The following PLA2G4C variants were observed in gnomAD, a reference collection of about 807,000 sequenced individuals.
PLA2G4C encodes the protein phospholipase A2 group IVC.
Under a neutral mutation model 73.8 loss-of-function variants are expected in PLA2G4C, and 64 were observed. That is an observed-to-expected ratio of 0.87 (90% CI 0.71 to 1.07). The LOEUF is 1.07. PLA2G4C is among the 50% of genes least tolerant of loss of function. PLA2G4C has a pLI of 0.00. For missense variants in PLA2G4C, 622 were observed against 665.4 expected (o/e 0.93, Z 0.72); for synonymous variants, 254 against 252.1 (o/e 1.01, Z -0.07).
At chr19:48,086,908 CTG>C (rs1202318161) in intron 9 of PLA2G4C, among the ~76,000 whole-genome samples, 4 of 152,200 alleles carry the variant, frequency 2.6e-5, no homozygotes, top group Non-Finnish European at 4.4e-5. Context: ...CTCACAGAGC[CTG>C]TGTCTCTCTC....
At chr19:48,050,505 C>T (rs1169193191) in intron 16 of PLA2G4C, among the ~76,000 whole-genome samples, 2 of 152,018 alleles carry the variant, frequency 1.3e-5, no homozygotes, top group Non-Finnish European at 2.9e-5. Context: ...TCAGATAAAG[C>T]TACTTCCCTG....
intron 10 of PLA2G4C, among the ~76,000 whole-genome samples, chr19:48,081,162 CAA>C (rs35474088): frequency 3.0e-5 from 4 of 132,686 alleles, no homozygotes; most frequent in Admixed American, 7.6e-5. Context: ...GAGACTGTCT[CAA>C]AAAAAAAAAA....
chr19:48,101,090 G>A lies in PLA2G4C; in HGVS notation c.258-1230C>T, dbSNP rs2031884998. ...CATGGCAGAAGGCAAGGGAGCTGGT[G>A]TGTCACATAGAGTCTATATATATAT... On this transcript the variant is annotated intron_variant, in intron 4 of 16. Transcript: ENST00000599921. Among the ~76,000 whole-genome samples the A allele has an allele frequency of 1.4e-5, 2 of 142,416 alleles. 1 individual carries two copies. The highest frequency in any genetic ancestry group is 4.3e-4 in the South Asian group (2 of 4,638). The allele number at this position is 142,416 out of a possible 152,430, so 93.4% of individuals were successfully genotyped here. A position where few individuals can be genotyped will look rare whatever the true frequency, so the allele number is the denominator to read the frequency against.
At chr19:48,098,611 G>T (rs2031729772) in intron 5 of PLA2G4C, among the ~76,000 whole-genome samples, 1 of 149,918 alleles carries the variant, frequency 6.7e-6, no homozygotes. Context: ...AGGTGCTGTG[G>T]CTCATACCCA....
rs1967690977 is a variant in PLA2G4C, at chr19:48,050,673, C to CTTTTTTATTTTTT, written c.1581-2286_1581-2285insAAAAAATAAAAAA. On this transcript the variant is annotated intron_variant, in intron 16 of 16. Transcript: ENST00000599921. ...ATCCCTAGAGCCTGTGAGTATGTGA[C>CTTTTTTATTTTTT]TTTTTTTTTTTTTTTTTTTGAGACA... 4.3e-4 allele frequency among the ~76,000 whole-genome samples: 34 copies of CTTTTTTATTTTTT among 78,746 alleles called. 4 individuals are homozygous for CTTTTTTATTTTTT. Among genetic ancestry groups the CTTTTTTATTTTTT allele is most frequent in the Non-Finnish European group, 7.8e-4 (33 of 42,274 alleles). 51.7% of individuals were successfully genotyped at this position (78,746 alleles called of 152,430 possible).
chr19:48,105,978 C>CTTTCT lies in PLA2G4C; in HGVS notation c.8+539_9-535dup, dbSNP rs1555756159. Reference sequence around the variant, plus strand: ...TCTTTCTTTCTTTCTTTCTTTCTTTCTTTCTTTCTTTCTTTCTCTTTCTCT... The same window carrying CTTTCT: ...TCTTTCTTTCTTTCTTTCTTTCTTTCTTTCTTTTCTTTCTTTCTTTCTCTTTCTCT... On this transcript the variant is annotated intron_variant, in intron 2 of 16. Transcript: ENST00000599921. Among the ~76,000 whole-genome samples the CTTTCT allele has an allele frequency of 3.8e-3, 300 of 78,160 alleles. 120 individuals carry two copies. Among genetic ancestry groups the CTTTCT allele is most frequent in the African/African-American group, 0.024 (212 of 8,812 alleles). 51.3% of individuals were successfully genotyped at this position (78,160 alleles called of 152,430 possible).
intron 14 of PLA2G4C, among the ~76,000 whole-genome samples, chr19:48,057,592 C>A (rs1207063165): frequency 1.4e-5 from 2 of 144,286 alleles, no homozygotes; most frequent in African/African-American, 5.1e-5. Flanking sequence ...CAGATTCAAG[C>A]GATTCTCCTG....
chr19:48,048,265 G>C lies in PLA2G4C; in HGVS notation c.*78C>G, dbSNP rs1600134948. ...CATGAAGCGTGTGGCTGAAGGGAGTGAAGAACAGGAAGGCCAGGTGGACAT... is the reference window on the plus strand; with the variant it reads ...CATGAAGCGTGTGGCTGAAGGGAGTCAAGAACAGGAAGGCCAGGTGGACAT... On this transcript the variant is annotated 3_prime_UTR_variant, in exon 17 of 17. Coordinates refer to ENST00000599921, the MANE Select transcript of PLA2G4C (RefSeq NM_003706.3). 5 of 1,059,878 alleles carry C rather than the reference G, an allele frequency of 4.7e-6. No homozygotes were observed. The highest frequency in any genetic ancestry group is 7.1e-6 in the Non-Finnish European group (5 of 705,010). 65.7% of individuals were successfully genotyped at this position (1,059,878 alleles called of 1,614,324 possible).
intron 4 of PLA2G4C, among the ~76,000 whole-genome samples, chr19:48,102,218 T>C (rs1414700011): frequency 6.6e-6 from 1 of 151,974 alleles, no homozygotes; most frequent in Non-Finnish European, 1.5e-5. Flanking sequence ...GGGCCGGACA[T>C]GGTGGCTTAC....
chr19:48,065,411 T>A (rs1968375894), intron 13 of PLA2G4C, among the ~76,000 whole-genome samples: 1 of 151,400 alleles, frequency 6.6e-6, no homozygotes, highest in South Asian at 2.1e-4. Context: ...AGGTTAGGAG[T>A]TTGAGACCAG....
chr19:48,105,544 C>A (rs1255032660), intron 2 of PLA2G4C, 100 bp from the exon 3 acceptor site: 1 of 810,480 alleles, frequency 1.2e-6, no homozygotes, highest in Non-Finnish European at 2.1e-6. Flanking sequence ...CAGGTAGCCA[C>A]CAGCCCACGG....
At chr19:48,084,722 A>G (rs1348168041) in intron 10 of PLA2G4C, among the ~76,000 whole-genome samples, 1 of 152,224 alleles carries the variant, frequency 6.6e-6, no homozygotes, top group Non-Finnish European at 1.5e-5. Flanking sequence ...CTTTTGATGA[A>G]TTAACTCATT....
chr19:48,051,719 A>G (rs1967733047), intron 16 of PLA2G4C: 1 of 152,036 alleles, frequency 6.6e-6, no homozygotes, highest in Non-Finnish European at 1.5e-5. Context: ...GGGGATTACA[A>G]TTCGAGATGA....
intron 6 of PLA2G4C, chr19:48,097,050 G>A (rs1232912133): frequency 6.6e-6 from 1 of 151,482 alleles, no homozygotes; most frequent in Non-Finnish European, 1.5e-5. Context: ...AGCTACTCGG[G>A]AGGCTGGGGC....
At chr19:48,099,884 A>G in intron 4 of PLA2G4C, 24 bp from the exon 5 acceptor site, 1 of 1,561,444 alleles carries the variant, frequency 6.4e-7, no homozygotes, top group South Asian at 1.1e-5. Context: ...GAAGAGAGTG[A>G]GTTGGGCATT....
chr19:48,057,323 C>T (rs1967979372), intron 14 of PLA2G4C, among the ~76,000 whole-genome samples: 2 of 151,700 alleles, frequency 1.3e-5, no homozygotes, highest in African/African-American at 4.8e-5. Flanking sequence ...GTAGAGATGT[C>T]GGAGTAATGT....
intron 16 of PLA2G4C, among the ~76,000 whole-genome samples, chr19:48,048,794 A>C (rs1967615519): frequency 6.6e-6 from 1 of 152,064 alleles, no homozygotes; most frequent in Non-Finnish European, 1.5e-5. Context: ...CCTCGAATAG[A>C]CTGATATAGT....
chr19:48,070,913 A>T (rs1201423922), intron 12 of PLA2G4C, among the ~76,000 whole-genome samples: 1 of 94,326 alleles, frequency 1.1e-5, no homozygotes, highest in East Asian at 3.5e-4. Context: ...ATTAAATTTT[A>T]AAAAATCCTG....
intron 11 of PLA2G4C, among the ~76,000 whole-genome samples, chr19:48,076,387 C>A (rs1239131716): frequency 1.3e-5 from 2 of 152,152 alleles, no homozygotes; most frequent in Non-Finnish European, 2.9e-5. Context: ...CTGTGGCACT[C>A]CAGCTCTCTC....
Sources: gnomAD v4.1 joint callset for allele counts (sites outside exome capture counted in the v4.1 genomes callset) on GRCh38, gnomAD v4.1.1 for gene constraint, MANE v1.5 for transcripts, NCBI Gene and HGNC (gene_info 2026-07-23, HGNC 2026-07-21) for gene names.